The following MSRB3 variants were observed in gnomAD, a reference collection of about 807,000 sequenced individuals.
The protein encoded by MSRB3 is methionine-R-sulfoxide reductase B3.
In MSRB3, 13 loss-of-function variants were observed where a neutral mutation model predicts 21.0. The observed-to-expected ratio is 0.62, with a 90% confidence interval of 0.40 to 0.98. The LOEUF is 0.98. Ranked by LOEUF, MSRB3 falls within the 50% of genes least tolerant of loss-of-function variation. MSRB3 has a pLI of 0.00. For synonymous variants in MSRB3, 87 were observed against 88.6 expected, an observed-to-expected ratio of 0.98 and a Z score of 0.10; for missense variants, 199 against 230.3, an observed-to-expected ratio of 0.86 and a Z score of 0.88.
intron 2 of MSRB3, among the ~76,000 whole-genome samples, chr12:65,326,222 A>G (rs1171664255): frequency 6.6e-6 from 1 of 152,200 alleles, no homozygotes. Context: ...GTCTTTGAAG[A>G]GATATACAGA....
At chr12:65,443,642 C>G (rs1882485584) in intron 5 of MSRB3, among the ~76,000 whole-genome samples, 1 of 152,016 alleles carries the variant, frequency 6.6e-6, no homozygotes, top group Non-Finnish European at 1.5e-5. Flanking sequence ...GGAGGGTTCT[C>G]TATCCTGGCT....
rs1260031610 is a variant in MSRB3 at position 65,453,805 on chromosome 12, G to A, written c.370G>A (p.Val124Met). ...TGACTTTTCCTATGGGATGCACAGG[G>A]TGGAAACAAGCTGCTCTCAGGTGAG... The part of the protein sequence containing the change: ...TDDFSYGMHR[V>M]ETSCSQCGAH... Residue 124 changes from valine (V) to methionine (M), a missense_variant, in exon 6 of 7, where the codon GTG becomes ATG. By Grantham distance (21) the Val-to-Met change is conservative. Transcript: ENST00000308259. The A allele has an allele frequency of 3.1e-6, 5 of 1,614,014 alleles. No individual in the cohort carries two copies. The highest frequency in any genetic ancestry group is 1.7e-5 in the Admixed American group (1 of 60,010).
chr12:65,337,266 AAC>A (rs201793964), intron 4 of MSRB3, among the ~76,000 whole-genome samples: 126 of 147,992 alleles, frequency 8.5e-4, no homozygotes, highest in African/African-American at 3.0e-3. Context: ...AACAAAACAA[AAC>A]AAAAAAAAAC....
At chr12:65,325,451 C>A (rs981629779) in intron 2 of MSRB3, among the ~76,000 whole-genome samples, 1 of 151,988 alleles carries the variant, frequency 6.6e-6, no homozygotes, top group African/African-American at 2.4e-5. Flanking sequence ...CTCTTTGGGT[C>A]TGGCTTGCTC....
At chr12:65,418,888 T>G (rs1881123325) in intron 5 of MSRB3, 2 of 739,972 alleles carry the variant, frequency 2.7e-6, no homozygotes, top group Admixed American at 3.9e-5. Context: ...CATGGCAATC[T>G]CAGCCTCCAG....
intron 5 of MSRB3, among the ~76,000 whole-genome samples, chr12:65,403,660 A>T (rs1880253290): frequency 6.6e-6 from 1 of 152,098 alleles, no homozygotes; most frequent in Admixed American, 6.5e-5. Context: ...GTATGAAAAA[A>T]AACTCCTGCA....
chr12:65,350,837 A>G (rs1459474346), intron 4 of MSRB3, among the ~76,000 whole-genome samples: 3 of 145,318 alleles, frequency 2.1e-5, no homozygotes, highest in Non-Finnish European at 4.5e-5. Flanking sequence ...CTACAAAGAG[A>G]CTTAGACTCC....
chr12:65,295,660 AAAC>A (rs1346069449), intron 1 of MSRB3, among the ~76,000 whole-genome samples: 3 of 152,146 alleles, frequency 2.0e-5, no homozygotes, highest in Non-Finnish European at 4.4e-5. Context: ...CTCCCTTGCA[AAAC>A]AACATTTAAT....
intron 5 of MSRB3, chr12:65,418,804 GT>G: frequency 1.1e-6 from 1 of 944,990 alleles, no homozygotes; most frequent in Non-Finnish European, 1.7e-6. Context: ...CTTTTGGATG[GT>G]TTGCATGGAG....
intron 1 of MSRB3, among the ~76,000 whole-genome samples, chr12:65,287,850 C>T (rs2136390427): frequency 6.6e-6 from 1 of 152,192 alleles, no homozygotes; most frequent in South Asian, 2.1e-4. Flanking sequence ...GTTTGTGTTG[C>T]AGGGGAGTCA....
chr12:65,463,386 G>A lies in MSRB3; in HGVS notation c.*64G>A. On this transcript the variant is annotated 3_prime_UTR_variant, in exon 7 of 7. Transcript: ENST00000308259. Reference sequence around the variant, plus strand: ...ACAGCTTATTAAAAAAATCAAAATTGTTATCTTAATAGATATATTTTTTCA... The same window carrying A: ...ACAGCTTATTAAAAAAATCAAAATTATTATCTTAATAGATATATTTTTTCA... 3 of 1,564,708 alleles carry A rather than the reference G, an allele frequency of 1.9e-6. No homozygotes were observed. The South Asian group carries it at 3.5e-5, about 18-fold the overall frequency.
chr12:65,431,934 A>G (rs1001961942), intron 5 of MSRB3, among the ~76,000 whole-genome samples: 2 of 152,094 alleles, frequency 1.3e-5, no homozygotes, highest in South Asian at 2.1e-4. Flanking sequence ...ATGTAAGGCT[A>G]GTAGAATATT....
chr12:65,440,462 AAAC>A (rs1455993633), intron 5 of MSRB3, among the ~76,000 whole-genome samples: 5 of 151,916 alleles, frequency 3.3e-5, no homozygotes, highest in Non-Finnish European at 7.4e-5. Flanking sequence ...ATTAAGAAGA[AAAC>A]AATTTCTTCT....
chr12:65,403,217 C>A (rs907262616), intron 5 of MSRB3, among the ~76,000 whole-genome samples: 2 of 152,218 alleles, frequency 1.3e-5, no homozygotes, highest in Non-Finnish European at 2.9e-5. Context: ...AGCTCCTTCC[C>A]CCAGGTGCTC....
intron 5 of MSRB3, among the ~76,000 whole-genome samples, chr12:65,396,015 C>G (rs1222837444): frequency 6.6e-6 from 1 of 152,048 alleles, no homozygotes; most frequent in Non-Finnish European, 1.5e-5. Context: ...GCTTTCTGCT[C>G]TAATTTTTTT....
chr12:65,369,362 C>G (rs1878193928), intron 5 of MSRB3, among the ~76,000 whole-genome samples: 1 of 152,134 alleles, frequency 6.6e-6, no homozygotes, highest in Admixed American at 6.5e-5. Flanking sequence ...TGAAAATTCT[C>G]TTTAGGTTGT....
chr12:65,400,783 T>A (rs944606496), intron 5 of MSRB3, among the ~76,000 whole-genome samples: 4 of 152,236 alleles, frequency 2.6e-5, no homozygotes, highest in Non-Finnish European at 4.4e-5. Flanking sequence ...CTGCTTTAGC[T>A]ATGTCCCAGA....
intron 5 of MSRB3, among the ~76,000 whole-genome samples, chr12:65,433,960 C>T (rs769449081): frequency 8.6e-5 from 13 of 151,798 alleles, no homozygotes; most frequent in Non-Finnish European, 1.5e-4. Context: ...AAGATCTTGG[C>T]ATATTCTTTT....
chr12:65,313,115 A>G (rs1874080788), intron 2 of MSRB3, among the ~76,000 whole-genome samples: 1 of 152,124 alleles, frequency 6.6e-6, no homozygotes, highest in Non-Finnish European at 1.5e-5. Flanking sequence ...GAGTTTTGGT[A>G]GTAAACTGTT....
Sources: allele counts gnomAD v4.1 joint callset (sites outside exome capture counted in the v4.1 genomes callset), GRCh38; gene constraint gnomAD v4.1.1; transcripts MANE v1.5; gene names NCBI Gene and HGNC (gene_info 2026-07-23, HGNC 2026-07-21).